Variants in MSN observed in about 807,000 individuals in gnomAD.
MSN encodes the protein moesin.
In MSN, 2 loss-of-function variants were observed where a neutral mutation model predicts 48.0. The ratio of observed to expected loss-of-function variants is 0.04; its 90% CI spans 0.02 to 0.13. The LOEUF is 0.13. Ranked by LOEUF, MSN falls within the 10% of genes least tolerant of loss-of-function variation. The pLI, the probability that MSN is intolerant of heterozygous loss-of-function variation, is 1.00. For synonymous variants in MSN, 146 were observed against 166.9 expected, an observed-to-expected ratio of 0.87 and a Z score of 0.97; for missense variants, 267 against 470.1, an observed-to-expected ratio of 0.57 and a Z score of 3.99.
In MSN at chrX:65,740,842, G is replaced by A. The variant is rs1210309502; in HGVS notation, c.*949G>A. On this transcript the variant is annotated 3_prime_UTR_variant, in exon 13 of 13. Transcript: ENST00000360270. ...GGACTCTTGTGAAAAGAGAGGATAT[G>A]TTCACACCTAGCGTCAGTATTTTCC... is the stretch of plus-strand genomic sequence containing the variant. 2 of 171,259 alleles carry A rather than the reference G, an allele frequency of 1.2e-5. No homozygotes were observed. The highest frequency in any genetic ancestry group is 5.9e-5 in the African/African-American group (2 of 33,825). The allele number at this position is 171,259 out of a possible 1,213,427, so 14.1% of individuals were successfully genotyped here. A position where few individuals can be genotyped will look rare whatever the true frequency, so the allele number is the denominator to read the frequency against.
At chrX:65,631,376 G>A (rs751436720) in intron 1 of MSN, among the ~76,000 whole-genome samples, 1 of 110,207 alleles carries the variant, frequency 9.1e-6, no homozygotes, top group East Asian at 2.8e-4. Context: ...TTACAGATGT[G>A]AGCCACCGTG....
At chrX:65,689,609 A>C (rs890197631) in intron 1 of MSN, among the ~76,000 whole-genome samples, 4 of 111,659 alleles carry the variant, frequency 3.6e-5, no homozygotes, top group African/African-American at 9.8e-5. Flanking sequence ...ATGTGATACC[A>C]TCACATGGGA....
rs1304373814 is a variant in MSN, at chrX:65,654,661, G to GA, written c.-21-62148dup. ...CTCTTTCCCTCATACATATACTAAA[G>GA]AAAAAAAAATGTGCAGCTATCTTGC... On this transcript the variant is annotated intron_variant, in intron 1 of 3. Transcript: ENST00000609672. Among the ~76,000 whole-genome samples the GA allele has an allele frequency of 1.6e-4, 17 of 108,927 alleles. No homozygotes were observed. The East Asian group carries it at 4.3e-3, about 27-fold the overall frequency. 94.6% of individuals were successfully genotyped at this position (108,927 alleles called of 115,157 possible).
intron 1 of MSN, among the ~76,000 whole-genome samples, chrX:65,711,393 A>C (rs1602837403): frequency 9.1e-6 from 1 of 109,951 alleles, no homozygotes; most frequent in East Asian, 2.9e-4. Flanking sequence ...ATGGGGTTTC[A>C]CCATGTTGGC....
intron 1 of MSN, among the ~76,000 whole-genome samples, chrX:65,648,793 G>A: frequency 9.1e-6 from 1 of 110,096 alleles, no homozygotes; most frequent in East Asian, 2.8e-4. Context: ...AACCTGGGAG[G>A]CGGAAGTTGC....
chrX:65,725,502 C>A lies in MSN; in HGVS notation c.97-2312C>A, dbSNP rs61053857. On this transcript the variant is annotated intron_variant, in intron 2 of 12. Transcript: ENST00000360270. ...ATCTGGACACACTATTCTTCTGCAA[C>A]CCTGTGGAAAATGATTAGAACTGTT... is the stretch of plus-strand genomic sequence containing the variant. Among the ~76,000 whole-genome samples the A allele has an allele frequency of 9.5e-4, 105 of 110,894 alleles. 1 individual carries two copies. Among genetic ancestry groups the A allele is most frequent in the East Asian group, 7.0e-3 (25 of 3,573 alleles).
At chrX:65,611,185 A>G (rs369708546) in intron 1 of MSN, among the ~76,000 whole-genome samples, 2 of 83,735 alleles carry the variant, frequency 2.4e-5, no homozygotes, top group African/African-American at 9.8e-5. Context: ...TTTTTTTTGG[A>G]GTCTTGCTGT....
chrX:65,607,966 A>G lies in MSN; in HGVS notation c.-22+19354A>G, dbSNP rs112155604. The stretch of plus-strand genomic sequence containing the variant: ...TCTGTCTCAATTAAAATTAAGAAAT[A>G]AAAAGATACAAGGAAATGTATTCAA... On this transcript the variant is annotated intron_variant, in intron 1 of 3. Coordinates refer to the MSN transcript ENST00000609672. Among the ~76,000 whole-genome samples, 703 of 112,166 alleles carry G rather than the reference A, an allele frequency of 6.3e-3. 7 individuals are homozygous for G. The highest frequency in any genetic ancestry group is 0.022 in the African/African-American group (669 of 30,855).
At chrX:65,722,442 T>TGTGTGTGTG (rs2071527729) in intron 2 of MSN, among the ~76,000 whole-genome samples, 2 of 108,691 alleles carry the variant, frequency 1.8e-5, no homozygotes, top group Admixed American at 9.9e-5. Flanking sequence ...TGTGTGTGTG[T>TGTGTGTGTG]TTGGAGACAA....
intron 1 of MSN, among the ~76,000 whole-genome samples, chrX:65,679,767 T>A (rs7058831): frequency 0.18 from 20,190 of 112,059 alleles, 4,399 homozygotes; most frequent in African/African-American, 0.62. Context: ...CTCAGCCACC[T>A]AAGAGTTGGC....
chrX:65,623,342 CTTTCTTTCTTTTT>C (rs2070470792), intron 1 of MSN, among the ~76,000 whole-genome samples: 1 of 83,572 alleles, frequency 1.2e-5, no homozygotes, highest in Non-Finnish European at 2.4e-5. Flanking sequence ...CCTGTAATTT[CTTTCTTTCTTTTT>C]TTTCTTTCTT....
At chrX:65,628,358 T>C (rs1011857285) in intron 1 of MSN, among the ~76,000 whole-genome samples, 1 of 113,060 alleles carries the variant, frequency 8.8e-6, no homozygotes, top group African/African-American at 3.2e-5. Flanking sequence ...TCTTGACTTC[T>C]GTGCACCTGC....
chrX:65,606,812 G>T (rs939066762), intron 1 of MSN, among the ~76,000 whole-genome samples: 10 of 112,548 alleles, frequency 8.9e-5, no homozygotes, highest in African/African-American at 2.9e-4. Context: ...CACAGTAGCT[G>T]CAATATAGTA....
At chrX:65,680,902 C>T (rs2071048729) in intron 1 of MSN, among the ~76,000 whole-genome samples, 1 of 110,343 alleles carries the variant, frequency 9.1e-6, no homozygotes, top group Non-Finnish European at 1.9e-5. Context: ...GGATGTGCCA[C>T]CAAACCTGGC....
At chrX:65,607,443 A>T (rs2070286968) in intron 1 of MSN, among the ~76,000 whole-genome samples, 1 of 111,771 alleles carries the variant, frequency 8.9e-6, no homozygotes, top group Non-Finnish European at 1.9e-5. Flanking sequence ...GATAGAGTAG[A>T]CCTCATAACT....
At chrX:65,642,350 GGTGT>G (rs61644801) in intron 1 of MSN, among the ~76,000 whole-genome samples, 3,074 of 96,051 alleles carry the variant, frequency 0.032, 50 homozygotes, top group African/African-American at 0.063. Context: ...TGTACATTAT[GGTGT>G]GTGTGTGTGT....
chrX:65,657,738 C>T (rs1317377588), intron 1 of MSN, among the ~76,000 whole-genome samples: 1 of 111,435 alleles, frequency 9.0e-6, no homozygotes, highest in Non-Finnish European at 1.9e-5. Context: ...AGTCTGACCA[C>T]CAAGGTGCGG....
chrX:65,669,248 C>A (rs1317944522), intron 1 of MSN, among the ~76,000 whole-genome samples: 1 of 110,779 alleles, frequency 9.0e-6, no homozygotes, highest in Non-Finnish European at 1.9e-5. Context: ...GGAAAATATC[C>A]CATTGTCTGC....
chrX:65,667,192 C>T (rs2070879747), upstream of MSN, among the ~76,000 whole-genome samples: 1 of 111,706 alleles, frequency 9.0e-6, no homozygotes, highest in African/African-American at 3.3e-5. Flanking sequence ...ATCTGTGTGG[C>T]CTCAGGGAGC....
Sources: allele counts gnomAD v4.1 joint callset (sites outside exome capture counted in the v4.1 genomes callset), GRCh38; gene constraint gnomAD v4.1.1; transcripts MANE v1.5; gene names NCBI Gene and HGNC (gene_info 2026-07-23, HGNC 2026-07-21).